FRMPD4: variants seen among roughly 807,000 people sequenced by gnomAD.
The protein encoded by FRMPD4 is FERM and PDZ domain-containing protein 4.
FRMPD4 carries 22 observed loss-of-function variants against 94.1 expected under a neutral mutation model. The observed-to-expected ratio is 0.23, with a 90% CI of 0.17 to 0.33. The LOEUF (loss-of-function observed/expected upper bound fraction) is 0.33, where lower values mean the gene tolerates loss of function less well. FRMPD4 is among the 10% of genes least tolerant of loss of function. FRMPD4 has a pLI of 1.00. For missense variants in FRMPD4, 1,111 were observed against 1,339.9 expected (o/e 0.83, Z 2.67); for synonymous variants, 631 against 548.6 (o/e 1.15, Z -2.10).
chrX:12,306,336 A>G (rs939247904), intron 1 of FRMPD4, among the ~76,000 whole-genome samples: 5 of 111,681 alleles, frequency 4.5e-5, no homozygotes, highest in African/African-American at 6.5e-5. Context: ...TTTGAGGGCC[A>G]GGTTGACATG....
At chrX:12,038,230 C>T (rs1268310429) in intron 3 of FRMPD4, among the ~76,000 whole-genome samples, 3 of 111,855 alleles carry the variant, frequency 2.7e-5, no homozygotes, top group Non-Finnish European at 5.6e-5. Flanking sequence ...TAAGTGGCTG[C>T]GTCACCTTGT....
intron 1 of FRMPD4, among the ~76,000 whole-genome samples, chrX:12,478,492 AG>A (rs1218841526): frequency 2.7e-5 from 3 of 111,897 alleles, no homozygotes; most frequent in Non-Finnish European, 5.6e-5. Flanking sequence ...TTGCATTGGG[AG>A]GATCACTTGT....
At chrX:12,028,624 G>T (rs775052921) in intron 3 of FRMPD4, among the ~76,000 whole-genome samples, 52 of 110,860 alleles carry the variant, frequency 4.7e-4, no homozygotes, top group African/African-American at 1.5e-3. Context: ...AAAATCCTCT[G>T]TGTTCTACGT....
rs1348080573 is a variant in FRMPD4 at position 12,717,680 on chromosome X, G to A, written c.2854G>A (p.Glu952Lys). The part of the protein sequence containing the change: ...GYHPLAEEQT[E>K]FPASKTPAGG... ...CCACCCCCTTGCAGAAGAGCAGACC[G>A]AGTTCCCGGCCTCCAAGACCCCCGC... Residue 952 changes from glutamate (E) to lysine (K), a missense_variant, in exon 16 of 17, where the codon GAG (glutamate) becomes AAG (lysine). This residue lies in a region of FRMPD4 where 551 missense variants were observed against 591.6 expected (regional missense o/e 0.93). Coordinates refer to ENST00000675598, the MANE Select transcript of FRMPD4 (RefSeq NM_001368397.1). 2.5e-6 allele frequency: 3 copies of A among 1,209,699 alleles called. No homozygotes were observed. Among genetic ancestry groups the A allele is most frequent in the African/African-American group, 3.5e-5 (2 of 57,260 alleles).
chrX:12,091,645 T>C (rs2055154390), intron 3 of FRMPD4, among the ~76,000 whole-genome samples: 1 of 111,686 alleles, frequency 9.0e-6, no homozygotes, highest in African/African-American at 3.3e-5. Context: ...CATTCTGGGG[T>C]GATTGTATCT....
chrX:12,116,492 C>A (rs1028850004), intron 3 of FRMPD4, among the ~76,000 whole-genome samples: 1 of 112,047 alleles, frequency 8.9e-6, no homozygotes, highest in Non-Finnish European at 1.9e-5. Flanking sequence ...CCCCAGATAG[C>A]CTTTCTAAGT....
At chrX:12,673,849 A>G (rs1174887624) in intron 4 of FRMPD4, among the ~76,000 whole-genome samples, 2 of 111,570 alleles carry the variant, frequency 1.8e-5, no homozygotes, top group Non-Finnish European at 3.8e-5. Flanking sequence ...CTCCCCAACT[A>G]CATGGTCCAG....
intron 3 of FRMPD4, among the ~76,000 whole-genome samples, chrX:12,030,033 G>A (rs1477135973): frequency 9.0e-6 from 1 of 111,645 alleles, no homozygotes; most frequent in African/African-American, 3.3e-5. Flanking sequence ...TAGATCAAAT[G>A]AGAATTGTTA....
chrX:11,857,654 A>G (rs1488659945), intron 1 of FRMPD4, among the ~76,000 whole-genome samples: 2 of 113,094 alleles, frequency 1.8e-5, no homozygotes, highest in Non-Finnish European at 3.7e-5. Context: ...ACATAGGCAC[A>G]GGCAAAGATT....
intron 1 of FRMPD4, among the ~76,000 whole-genome samples, chrX:12,462,844 G>A (rs1346881332): frequency 9.0e-6 from 1 of 111,248 alleles, no homozygotes; most frequent in African/African-American, 3.3e-5. Context: ...TTAAAAATTA[G>A]CCATGCATGA....
intron 1 of FRMPD4, among the ~76,000 whole-genome samples, chrX:12,193,795 G>A (rs58027372): frequency 0.32 from 6,861 of 21,771 alleles, 1,522 homozygotes; most frequent in East Asian, 0.49. Context: ...AGGAAGGAAG[G>A]AAGGAAGGAA....
At chrX:12,575,143 T>C (rs1161502197) in intron 2 of FRMPD4, among the ~76,000 whole-genome samples, 6 of 111,792 alleles carry the variant, frequency 5.4e-5, no homozygotes, top group Non-Finnish European at 1.1e-4. Context: ...ATGTACATGA[T>C]TATTTGAATG....
intron 3 of FRMPD4, among the ~76,000 whole-genome samples, chrX:11,965,071 G>T (rs2054303099): frequency 8.9e-6 from 1 of 112,484 alleles, no homozygotes; most frequent in Admixed American, 9.4e-5. Context: ...GATAACCCAG[G>T]CTAATGTCCC....
rs1487190254 is a variant in FRMPD4 at position 12,694,392 on chromosome X, C to A, written c.871C>A (p.Pro291Thr). Residue 291 changes from proline (P) to threonine (T), a missense_variant, in exon 9 of 17, where the codon CCA (proline) becomes ACA (threonine). By Grantham distance (38) the Pro-to-Thr change is conservative. This residue lies in a region of FRMPD4 where 37 missense variants were observed against 101.0 expected (regional missense o/e 0.37). Coordinates refer to ENST00000675598, the MANE Select transcript of FRMPD4 (RefSeq NM_001368397.1). ...MRCLFRISFVPKDPIDLLRRD... is the reference protein window; with the variant it reads ...MRCLFRISFVTKDPIDLLRRD... ...ATGTCTTTTCCGAATTAGCTTCGTC[C>A]CAAAAGATCCAATTGACCTTTTAAG... 1 of 1,179,860 alleles carries A rather than the reference C, an allele frequency of 8.5e-7. No individual in the cohort carries two copies. The highest frequency in any genetic ancestry group is 1.2e-6 in the Non-Finnish European group (1 of 866,625).
At chrX:12,713,882 A>G (rs1028266012) in intron 14 of FRMPD4, among the ~76,000 whole-genome samples, 1 of 112,084 alleles carries the variant, frequency 8.9e-6, no homozygotes, top group Non-Finnish European at 1.9e-5. Context: ...TAGTCAAGAT[A>G]TCTAATAAGA....
intron 1 of FRMPD4, among the ~76,000 whole-genome samples, chrX:12,307,291 T>A (rs2054956754): frequency 8.9e-6 from 1 of 112,467 alleles, no homozygotes; most frequent in Non-Finnish European, 1.9e-5. Context: ...TGTCAGAGAC[T>A]AATAAAAGGC....
At chrX:12,545,236 A>G (rs1390994985) in intron 2 of FRMPD4, among the ~76,000 whole-genome samples, 1 of 77,706 alleles carries the variant, frequency 1.3e-5, no homozygotes, top group Non-Finnish European at 2.6e-5. Context: ...ATTTGTAAAC[A>G]TTCTTTAAAT....
At chrX:12,495,445 G>A (rs2057837915) in intron 1 of FRMPD4, among the ~76,000 whole-genome samples, 1 of 111,551 alleles carries the variant, frequency 9.0e-6, no homozygotes, top group Non-Finnish European at 1.9e-5. Context: ...GAAAATAAAC[G>A]GCAGAGCCTG....
At chrX:12,171,267 A>G (rs974908119) in intron 1 of FRMPD4, among the ~76,000 whole-genome samples, 1 of 112,414 alleles carries the variant, frequency 8.9e-6, no homozygotes, top group African/African-American at 3.2e-5. Flanking sequence ...GCATCAGGCA[A>G]GGATCAGGAC....
Sources: gnomAD v4.1 joint callset for allele counts (sites outside exome capture counted in the v4.1 genomes callset) on GRCh38, gnomAD v4.1.1 for gene constraint, gnomAD v4.1.1 regional missense constraint, MANE v1.5 for transcripts, NCBI Gene and HGNC (gene_info 2026-07-23, HGNC 2026-07-21) for gene names.